GALNTL6: variants seen among roughly 807,000 people sequenced by gnomAD.
GALNTL6 encodes polypeptide N-acetylgalactosaminyltransferase-like 6.
In GALNTL6, 46 loss-of-function variants were observed where a neutral mutation model predicts 73.7. The observed-to-expected ratio is 0.62, with a 90% CI of 0.49 to 0.80. The LOEUF (loss-of-function observed/expected upper bound fraction) is 0.80. Ranked by LOEUF, GALNTL6 falls within the 30% of genes least tolerant of loss-of-function variation. The pLI, the probability that GALNTL6 is intolerant of heterozygous loss-of-function variation, is 0.00. For synonymous variants in GALNTL6, 259 were observed against 263.7 expected (o/e 0.98, Z 0.17); for missense variants, 604 against 755.0 (o/e 0.80, Z 2.34).
chr4:172,952,095 G>T lies in GALNTL6; in HGVS notation c.1208G>T (p.Arg403Leu). 4 of 1,614,062 alleles carry T rather than the reference G, an allele frequency of 2.5e-6. No homozygotes were observed. In the South Asian group the frequency reaches 3.3e-5, roughly 13 times the overall value. The change falls in exon 10 of 13, where the codon CGG (arginine) becomes CTG (leucine). Residue 403 changes from arginine to leucine, a missense_variant. By Grantham distance (102) the Arg-to-Leu change is moderately radical (BLOSUM62 -2). Around this residue, in one of 5 missense-constraint regions of GALNTL6, gnomAD observed 261 missense variants for 296.5 expected, o/e 0.88. Coordinates refer to ENST00000506823, the MANE Select transcript of GALNTL6 (RefSeq NM_001034845.3). ...MDEFAEYIYQ[R>L]RPEYRHLSTG... ...GAATTTGCCGAGTACATTTACCAGC[G>T]GCGGCCGGAGTACAGGCATCTCTCC...
Position 171,994,744 on chromosome 4 carries a change from G to T in GALNTL6, c.138+180026G>T, listed in dbSNP as rs1388692866. 2.0e-5 allele frequency among the ~76,000 whole-genome samples: 3 copies of T among 151,752 alleles called. No individual in the cohort carries two copies. The South Asian group carries it at 6.2e-4, about 32-fold the overall frequency. On this transcript the variant is annotated intron_variant, in intron 2 of 12. Transcript: ENST00000506823. ...CAAAATATGAAAAAAAAAGAACCAG[G>T]AATATCTAAGTCAGTTAAAAATAGT... is the stretch of plus-strand genomic sequence containing the variant.
chr4:172,271,016 C>A (rs923129049), intron 3 of GALNTL6, among the ~76,000 whole-genome samples: 2 of 152,014 alleles, frequency 1.3e-5, no homozygotes, highest in African/African-American at 4.8e-5. Flanking sequence ...TAGATAAAGA[C>A]CCAGACAGTC....
intron 3 of GALNTL6, among the ~76,000 whole-genome samples, chr4:172,283,268 A>G (rs1343109010): frequency 6.6e-6 from 1 of 152,166 alleles, no homozygotes; most frequent in African/African-American, 2.4e-5. Context: ...AAGAAATCAA[A>G]CTGTATAATA....
At chr4:172,735,325 G>A (rs1333216855) in intron 5 of GALNTL6, among the ~76,000 whole-genome samples, 1 of 152,192 alleles carries the variant, frequency 6.6e-6, no homozygotes, top group Non-Finnish European at 1.5e-5. Context: ...GATTATTTTG[G>A]AACTTTGAGG....
At chr4:171,936,002 T>A (rs1032512814) in intron 2 of GALNTL6, among the ~76,000 whole-genome samples, 1 of 152,168 alleles carries the variant, frequency 6.6e-6, no homozygotes, top group African/African-American at 2.4e-5. Flanking sequence ...GCATGACTAA[T>A]CCTCAGAAAA....
intron 5 of GALNTL6, among the ~76,000 whole-genome samples, chr4:172,375,074 C>G (rs920019232): frequency 4.6e-5 from 7 of 152,048 alleles, no homozygotes; most frequent in Admixed American, 4.6e-4. Flanking sequence ...TCCTTCTGGG[C>G]AGGGGAGATT....
chr4:172,996,957 C>G (rs1022340878), intron 10 of GALNTL6, among the ~76,000 whole-genome samples: 12 of 152,154 alleles, frequency 7.9e-5, no homozygotes, highest in Non-Finnish European at 2.9e-5. Context: ...GCAGCCTCCC[C>G]TAGAGTCAAG....
At chr4:172,561,862 A>G (rs1270849399) in intron 5 of GALNTL6, among the ~76,000 whole-genome samples, 2 of 152,150 alleles carry the variant, frequency 1.3e-5, no homozygotes, top group Non-Finnish European at 2.9e-5. Context: ...GTGTGAATAT[A>G]TATTTTTTTA....
At chr4:172,732,977 T>G (rs1399433170) in intron 5 of GALNTL6, among the ~76,000 whole-genome samples, 1 of 152,170 alleles carries the variant, frequency 6.6e-6, no homozygotes, top group African/African-American at 2.4e-5. Context: ...TATACTAGAG[T>G]TATAGGTGGA....
At chr4:172,402,489 T>G (rs1744077926) in intron 5 of GALNTL6, among the ~76,000 whole-genome samples, 1 of 152,130 alleles carries the variant, frequency 6.6e-6, no homozygotes, top group Non-Finnish European at 1.5e-5. Flanking sequence ...CTGCCATTAC[T>G]GGAACGGTGA....
intron 2 of GALNTL6, among the ~76,000 whole-genome samples, chr4:171,929,010 C>T (rs1176849892): frequency 6.6e-6 from 1 of 152,172 alleles, no homozygotes; most frequent in Non-Finnish European, 1.5e-5. Flanking sequence ...TTCATAATCA[C>T]ATATTTTTAT....
chr4:171,943,643 T>G (rs1738617603), intron 2 of GALNTL6, among the ~76,000 whole-genome samples: 1 of 152,180 alleles, frequency 6.6e-6, no homozygotes, highest in Admixed American at 6.5e-5. Flanking sequence ...TGTATTTGCT[T>G]GCTACTTGAT....
intron 5 of GALNTL6, among the ~76,000 whole-genome samples, chr4:172,762,306 C>G (rs1738156401): frequency 6.6e-6 from 1 of 152,118 alleles, no homozygotes; most frequent in Admixed American, 6.5e-5. Context: ...TCTTGAGACA[C>G]CGAATTATAT....
chr4:172,738,412 G>T, intron 5 of GALNTL6, among the ~76,000 whole-genome samples: 1 of 152,080 alleles, frequency 6.6e-6, no homozygotes, highest in East Asian at 1.9e-4. Context: ...TGTTGTTGCT[G>T]TTGGTGTTTG....
At chr4:171,988,685 A>T (rs1007589552) in intron 2 of GALNTL6, among the ~76,000 whole-genome samples, 4 of 152,168 alleles carry the variant, frequency 2.6e-5, no homozygotes, top group African/African-American at 4.8e-5. Context: ...GGGAATGGTA[A>T]GGAGAGTGTA....
intron 5 of GALNTL6, among the ~76,000 whole-genome samples, chr4:172,409,109 T>A (rs1383512023): frequency 6.6e-6 from 1 of 152,090 alleles, no homozygotes; most frequent in Non-Finnish European, 1.5e-5. Flanking sequence ...ATTTGTAACA[T>A]CTGCTATAAC....
At chr4:172,916,976 C>T (rs1161541533) in intron 8 of GALNTL6, among the ~76,000 whole-genome samples, 2 of 152,186 alleles carry the variant, frequency 1.3e-5, no homozygotes, top group Non-Finnish European at 2.9e-5. Flanking sequence ...CTGGAGGCAT[C>T]ACACTACCTG....
chr4:172,489,848 T>G (rs1733834489), intron 5 of GALNTL6, among the ~76,000 whole-genome samples: 1 of 152,226 alleles, frequency 6.6e-6, no homozygotes, highest in Non-Finnish European at 1.5e-5. Context: ...TTAAATAATA[T>G]AGTAATTATC....
intron 6 of GALNTL6, among the ~76,000 whole-genome samples, chr4:172,810,386 C>A (rs888001182): frequency 6.6e-5 from 10 of 151,942 alleles, no homozygotes; most frequent in Non-Finnish European, 1.3e-4. Flanking sequence ...ACAAAAAAAA[C>A]CCTCCTTTTA....
Sources: allele counts gnomAD v4.1 joint callset (sites outside exome capture counted in the v4.1 genomes callset), GRCh38; gene constraint gnomAD v4.1.1; regional missense constraint gnomAD v4.1.1; transcripts MANE v1.5; gene names NCBI Gene and HGNC (gene_info 2026-07-23, HGNC 2026-07-21).